SLC25A26: variants seen among roughly 807,000 people sequenced by gnomAD.
SLC25A26 encodes the protein solute carrier family 25 member 26.
SLC25A26 carries 36 observed loss-of-function variants against 37.8 expected under a neutral mutation model. That is an observed-to-expected ratio of 0.95 (90% CI 0.73 to 1.26). The LOEUF (loss-of-function observed/expected upper bound fraction) is 1.26. Among genes scored for constraint, SLC25A26 ranks in the 50% most tolerant of loss-of-function variants. The pLI, the probability that SLC25A26 is intolerant of heterozygous loss-of-function variation, is 0.00. For missense variants in SLC25A26, 390 were observed against 331.1 expected (o/e 1.18, Z -1.38); for synonymous variants, 129 against 122.5 (o/e 1.05, Z -0.35).
intron 2 of SLC25A26, among the ~76,000 whole-genome samples, chr3:66,238,030 G>A (rs528097168): frequency 6.6e-6 from 1 of 152,170 alleles, no homozygotes; most frequent in African/African-American, 2.4e-5. Context: ...GTCATCTTTC[G>A]ATTTTTGTGT....
chr3:66,195,412 C>G (rs1185881258), intron 1 of SLC25A26, among the ~76,000 whole-genome samples: 4 of 152,232 alleles, frequency 2.6e-5, no homozygotes, highest in African/African-American at 7.2e-5. Flanking sequence ...CCCGGGAGTG[C>G]CTGCTGCAAC....
chr3:66,321,751 CT>C (rs34897144), intron 5 of SLC25A26, among the ~76,000 whole-genome samples: 28,683 of 142,596 alleles, frequency 0.2, 3,639 homozygotes, highest in East Asian at 0.69. Context: ...TTTCTGCCTA[CT>C]TTTTTTTTTT....
intron 4 of SLC25A26, 97 bp from the exon 5 acceptor site, chr3:66,263,235 A>G: frequency 1.2e-6 from 1 of 831,654 alleles, no homozygotes; most frequent in East Asian, 2.6e-5. Flanking sequence ...TGAATGTTCT[A>G]GAACTCAAAC....
chr3:66,187,324 C>T (rs898082979), intron 1 of SLC25A26, among the ~76,000 whole-genome samples: 10 of 151,922 alleles, frequency 6.6e-5, no homozygotes, highest in African/African-American at 2.2e-4. Flanking sequence ...TGGATCAAAT[C>T]GTATACTCAC....
At chr3:66,352,753 C>G (rs1575600411) in intron 6 of SLC25A26, among the ~76,000 whole-genome samples, 3 of 152,018 alleles carry the variant, frequency 2.0e-5, no homozygotes, top group Admixed American at 2.0e-4. Context: ...TTCATTCCAG[C>G]TCTTTCCCTA....
chr3:66,150,508 AATATATATATATAATG>A (rs1338881017), intron 1 of SLC25A26, among the ~76,000 whole-genome samples: 3 of 120,272 alleles, frequency 2.5e-5, no homozygotes, highest in Non-Finnish European at 5.1e-5. Flanking sequence ...AAGACAAAAA[AATATATATATATAATG>A]ATATATATAT....
intron 1 of SLC25A26, among the ~76,000 whole-genome samples, chr3:66,230,824 A>C (rs1388150785): frequency 2.0e-5 from 3 of 150,110 alleles, no homozygotes; most frequent in Non-Finnish European, 3.0e-5. Flanking sequence ...AAAAAACAAA[A>C]AAAAACCAGA....
At chr3:66,343,494 G>A (rs1052882219) in intron 5 of SLC25A26, among the ~76,000 whole-genome samples, 4 of 152,160 alleles carry the variant, frequency 2.6e-5, no homozygotes, top group African/African-American at 7.2e-5. Flanking sequence ...GAATAGTATG[G>A]CCATTCCAAA....
chr3:66,264,994 A>G (rs141951767), intron 5 of SLC25A26, among the ~76,000 whole-genome samples: 7 of 152,298 alleles, frequency 4.6e-5, no homozygotes, highest in African/African-American at 9.6e-5. Context: ...TACCATCACT[A>G]AGTAGTTTCA....
intron 1 of SLC25A26, among the ~76,000 whole-genome samples, chr3:66,182,553 C>A (rs2070732736): frequency 6.6e-6 from 1 of 152,056 alleles, no homozygotes; most frequent in Non-Finnish European, 1.5e-5. Context: ...CTAAAAGTTG[C>A]AAGGAGTCAA....
chr3:66,209,789 A>ATATACACACCTATATAAAGGTGTATC, intron 1 of SLC25A26, among the ~76,000 whole-genome samples: 1 of 136,292 alleles, frequency 7.3e-6, no homozygotes, highest in Non-Finnish European at 1.6e-5. Context: ...GTATATATAT[A>ATATACACACCTATATAAAGGTGTATC]TATACACACC....
chr3:66,192,264 C>T (rs975905641), intron 1 of SLC25A26, among the ~76,000 whole-genome samples: 1 of 137,602 alleles, frequency 7.3e-6, no homozygotes. Context: ...TGCAGTGAGC[C>T]GAGATTGCAC....
chr3:66,363,489 A>G (rs1011909357), intron 7 of SLC25A26, among the ~76,000 whole-genome samples: 5 of 152,222 alleles, frequency 3.3e-5, no homozygotes, highest in Admixed American at 2.6e-4. Context: ...AGGTGACAAT[A>G]TGCAATACCG....
At chr3:66,254,358 G>A (rs1329228748) in intron 3 of SLC25A26, among the ~76,000 whole-genome samples, 1 of 152,200 alleles carries the variant, frequency 6.6e-6, no homozygotes, top group Admixed American at 6.5e-5. Context: ...AGAGAATGTG[G>A]AAATGAAATA....
intron 1 of SLC25A26, among the ~76,000 whole-genome samples, chr3:66,154,564 C>T (rs1397267181): frequency 7.7e-6 from 1 of 129,418 alleles, no homozygotes; most frequent in African/African-American, 3.0e-5. Context: ...TTTTTGGTGA[C>T]AGTCTTGTTC....
intron 1 of SLC25A26, among the ~76,000 whole-genome samples, chr3:66,142,238 T>C (rs952213124): frequency 3.3e-5 from 5 of 152,210 alleles, no homozygotes; most frequent in Admixed American, 6.5e-5. Context: ...ATGGAAGATA[T>C]GATCTTTTGT....
At chr3:66,199,820 T>C (rs1403817940) in intron 1 of SLC25A26, among the ~76,000 whole-genome samples, 1 of 152,098 alleles carries the variant, frequency 6.6e-6, no homozygotes, top group Non-Finnish European at 1.5e-5. Context: ...ACCCTACACC[T>C]GACACCTGAT....
At chr3:66,341,766 T>C (rs2076214731) in intron 5 of SLC25A26, among the ~76,000 whole-genome samples, 1 of 152,218 alleles carries the variant, frequency 6.6e-6, no homozygotes, top group African/African-American at 2.4e-5. Flanking sequence ...TAGGTTAATT[T>C]CTTTTATTGG....
At chr3:66,246,924 C>G (rs529420046) in intron 3 of SLC25A26, among the ~76,000 whole-genome samples, 91 of 152,240 alleles carry the variant, frequency 6.0e-4, no homozygotes, top group African/African-American at 2.1e-3. Flanking sequence ...TGCAGTGGCG[C>G]GATCTCGGCT....
Sources: gnomAD v4.1 joint callset for allele counts (sites outside exome capture counted in the v4.1 genomes callset) on GRCh38, gnomAD v4.1.1 for gene constraint, MANE v1.5 for transcripts, NCBI Gene and HGNC (gene_info 2026-07-23, HGNC 2026-07-21) for gene names.